The following EXD2 variants were observed in gnomAD, a reference collection of about 807,000 sequenced individuals.
EXD2 encodes the protein exonuclease 3'-5' domain containing 2.
In EXD2, 40 loss-of-function variants were observed where a neutral mutation model predicts 62.5. The observed-to-expected ratio is 0.64, with a 90% CI of 0.50 to 0.83. EXD2 has a LOEUF of 0.83. Among genes scored for constraint, EXD2 ranks in the 40% least tolerant of loss-of-function variants. The pLI, the probability that EXD2 is intolerant of heterozygous loss-of-function variation, is 0.00. For synonymous variants in EXD2, 239 were observed against 291.9 expected, an observed-to-expected ratio of 0.82 and a Z score of 1.85; for missense variants, 671 against 761.8, an observed-to-expected ratio of 0.88 and a Z score of 1.40.
At position 69,228,883 on chromosome 14, in the gene EXD2, T is replaced by G. The variant is rs778286846; in HGVS notation, c.401T>G (p.Val134Gly). 6.2e-7 allele frequency: 1 copy of G among 1,614,222 alleles called. No homozygotes were observed. Among genetic ancestry groups the G allele is most frequent in the South Asian group, 1.1e-5 (1 of 91,084 alleles). ...LQMASPSGLC[V>G]LVRLPKLICG... is the part of the protein sequence containing the mutation. ...ATGGCCTCCCCAAGTGGCCTGTGTGTCTTGGTTCGCCTGCCCAAGCTAATC... is the reference window on the plus strand; with the variant it reads ...ATGGCCTCCCCAAGTGGCCTGTGTGGCTTGGTTCGCCTGCCCAAGCTAATC... The change falls in exon 4 of 10, where the codon GTC (valine) becomes GGC (glycine). Residue 134 changes from valine to glycine, a missense_variant. Val to Gly is a moderately radical substitution (Grantham distance 109, BLOSUM62 -3). Coordinates refer to ENST00000685843, the MANE Select transcript of EXD2 (RefSeq NM_001193360.2).
intron 3 of EXD2, among the ~76,000 whole-genome samples, chr14:69,220,879 A>G (rs184545014): frequency 1.3e-5 from 2 of 152,056 alleles, no homozygotes; most frequent in East Asian, 1.9e-4. Context: ...AAGTCAATCA[A>G]TCAATAAGAG....
At chr14:69,235,777 G>A (rs73282617) in intron 6 of EXD2, 66 of 459,550 alleles carry the variant, frequency 1.4e-4, no homozygotes, top group Non-Finnish European at 2.5e-4. Context: ...CAGCAGAGCT[G>A]TGTGTAAACC....
chr14:69,237,970 TAA>T, intron 9 of EXD2, 39 bp downstream of exon 9: 1 of 1,496,328 alleles, frequency 6.7e-7, no homozygotes, highest in Non-Finnish European at 9.0e-7. Context: ...CCAGGGACAT[TAA>T]CCCTCATTAC....
At chr14:69,227,726 C>T (rs747986809) in intron 3 of EXD2, among the ~76,000 whole-genome samples, 29 of 151,946 alleles carry the variant, frequency 1.9e-4, no homozygotes, top group Non-Finnish European at 3.2e-4. Context: ...CCCAGCTACT[C>T]GGGAGGCTGA....
chr14:69,209,593 A>G lies in EXD2; in HGVS notation c.123A>G (p.Gln41=). 6.4e-7 allele frequency: 1 copy of G among 1,550,570 alleles called. No individual in the cohort carries two copies. The highest frequency in any genetic ancestry group is 1.2e-5 in the South Asian group (1 of 84,066). Residue 41 remains glutamine, a synonymous_variant, in exon 3 of 10, where the codon CAA becomes CAG. Transcript: ENST00000685843. ...GGAGTAAAACGAGTCCTGTGACCCA[A>G]CAGCCACAGCAGAAAGTGCTGGGCA... ...RRRSKTSPVT[Q]QPQQKVLGSR... is the part of the protein sequence containing the mutation.
At chr14:69,193,160 G>A (rs561373102) in intron 1 of EXD2, among the ~76,000 whole-genome samples, 2 of 151,512 alleles carry the variant, frequency 1.3e-5, no homozygotes, top group South Asian at 4.2e-4. Context: ...CCAGGTTCAA[G>A]CGATTCTCCT....
chr14:69,238,316 A>G (rs1296864042), intron 9 of EXD2, among the ~76,000 whole-genome samples: 2 of 152,170 alleles, frequency 1.3e-5, no homozygotes, highest in Non-Finnish European at 2.9e-5. Context: ...GAAGTTCTGA[A>G]GTTCCCCATG....
intron 1 of EXD2, among the ~76,000 whole-genome samples, chr14:69,203,207 T>C (rs1334015224): frequency 6.6e-6 from 1 of 151,864 alleles, no homozygotes; most frequent in East Asian, 1.9e-4. Flanking sequence ...TATAGGTGCA[T>C]GCCACCATGC....
chr14:69,197,375 C>T (rs1447386354), intron 1 of EXD2, among the ~76,000 whole-genome samples: 1 of 151,014 alleles, frequency 6.6e-6, no homozygotes, highest in African/African-American at 2.4e-5. Flanking sequence ...AATATTTTTT[C>T]CCATTCTGTG....
chr14:69,224,669 C>T (rs2043299006), intron 3 of EXD2, among the ~76,000 whole-genome samples: 1 of 152,118 alleles, frequency 6.6e-6, no homozygotes, highest in Non-Finnish European at 1.5e-5. Flanking sequence ...CTGCCCAAAA[C>T]CCTTCCATTG....
At position 69,237,601 on chromosome 14, in the gene EXD2, G is replaced by A. The variant is rs751998810; in HGVS notation, c.1319G>A (p.Arg440Gln). 35 of 1,614,068 alleles carry A rather than the reference G, an allele frequency of 2.2e-5. 1 individual carries two copies. The highest frequency in any genetic ancestry group is 1.1e-4 in the East Asian group (5 of 44,892). ...IRKNVIPHEY[R>Q]KHFPIEMKDH... ...AAGAACGTGATTCCACATGAGTACCGGAAGCACTTCCCCATCGAGATGAAG... is the reference window on the plus strand; with the variant it reads ...AAGAACGTGATTCCACATGAGTACCAGAAGCACTTCCCCATCGAGATGAAG... Residue 440 changes from arginine (R) to glutamine (Q), a missense_variant, in exon 9 of 10, where the codon CGG (arginine) becomes CAG (glutamine). By Grantham distance (43) the Arg-to-Gln change is conservative. Coordinates refer to ENST00000685843, the MANE Select transcript of EXD2 (RefSeq NM_001193360.2).
chr14:69,237,542 A>G, intron 8 of EXD2, 33 bp from the exon 9 acceptor site: 6 of 1,601,820 alleles, frequency 3.7e-6, no homozygotes, highest in Non-Finnish European at 5.1e-6. Context: ...TCATACACTT[A>G]TGAGCGCTGC....
chr14:69,196,356 C>T (rs987416423), intron 1 of EXD2, among the ~76,000 whole-genome samples: 13 of 152,168 alleles, frequency 8.5e-5, no homozygotes, highest in Non-Finnish European at 1.0e-4. Flanking sequence ...TTGGGGAATA[C>T]GATTCAACTC....
At chr14:69,220,726 G>A (rs60667123) in intron 3 of EXD2, among the ~76,000 whole-genome samples, 1 of 151,614 alleles carries the variant, frequency 6.6e-6, no homozygotes. Flanking sequence ...AAAATTAGCC[G>A]GGCTTGGTTG....
chr14:69,236,618 G>C (rs1487612857), intron 8 of EXD2, 76 bp downstream of exon 8: 1 of 1,588,294 alleles, frequency 6.3e-7, no homozygotes, highest in Admixed American at 1.7e-5. Flanking sequence ...CAGAGCCTTT[G>C]GGGGCTGTGG....
In EXD2 at chr14:69,206,049, G is replaced by C. The variant is rs550998336; in HGVS notation, c.-48+2049G>C. On this transcript the variant is annotated intron_variant, in intron 2 of 9. Transcript: ENST00000685843. ...TTCTCATGCCTCAGCCTCTGGAGTAGCTGGGATTACAGGCATGCACCACCA... is the reference window on the plus strand; with the variant it reads ...TTCTCATGCCTCAGCCTCTGGAGTACCTGGGATTACAGGCATGCACCACCA... Among the ~76,000 whole-genome samples the C allele has an allele frequency of 4.6e-5, 7 of 152,168 alleles. No individual in the cohort carries two copies. In the South Asian group the frequency reaches 1.5e-3, roughly 32 times the overall value.
intron 3 of EXD2, among the ~76,000 whole-genome samples, chr14:69,222,859 G>A (rs1233685948): frequency 6.6e-6 from 1 of 152,138 alleles, no homozygotes; most frequent in Non-Finnish European, 1.5e-5. Context: ...TAGAAAAATA[G>A]TGGTGTACAA....
chr14:69,229,018 A>G lies in EXD2; in HGVS notation c.536A>G (p.Tyr179Cys). ...SEDASKLLQD[Y>C]GLVVRGCLDL... The stretch of plus-strand genomic sequence containing the variant: ...GATGCCAGCAAGCTTCTGCAGGATT[A>G]TGGCCTCGTTGTTAGGGGGTGCCTG... The change falls in exon 4 of 10, where the codon TAT (tyrosine) becomes TGT (cysteine). Residue 179 changes from tyrosine to cysteine, a missense_variant. Transcript: ENST00000685843. 6 of 1,614,204 alleles carry G rather than the reference A, an allele frequency of 3.7e-6. No individual in the cohort carries two copies. The highest frequency in any genetic ancestry group is 5.1e-6 in the Non-Finnish European group (6 of 1,180,044).
intron 1 of EXD2, among the ~76,000 whole-genome samples, chr14:69,195,216 CAAA>C (rs78718494): frequency 9.0e-5 from 6 of 66,306 alleles, no homozygotes; most frequent in Non-Finnish European, 8.3e-5. Context: ...GACTCTGTCT[CAAA>C]AAAAAAAAAA....
Sources: allele counts gnomAD v4.1 joint callset (sites outside exome capture counted in the v4.1 genomes callset), GRCh38; gene constraint gnomAD v4.1.1; transcripts MANE v1.5; gene names NCBI Gene and HGNC (gene_info 2026-07-23, HGNC 2026-07-21).